Variants in ZP4 observed in about 807,000 individuals in gnomAD.
The protein encoded by ZP4 is zona pellucida sperm-binding protein 4.
Under a neutral mutation model 62.3 loss-of-function variants are expected in ZP4, and 62 were observed. The observed-to-expected ratio is 0.99, with a 90% CI of 0.81 to 1.23. The LOEUF is 1.23. ZP4 is among the 50% of genes most tolerant of loss of function. The pLI is 0.00. For synonymous variants in ZP4, 289 were observed against 247.3 expected, an observed-to-expected ratio of 1.17 and a Z score of -1.58; for missense variants, 774 against 656.0, an observed-to-expected ratio of 1.18 and a Z score of -1.97.
rs1553350627 is a variant in ZP4 at position 237,883,633 on chromosome 1, A to AGGGC, written c.1391-788_1391-787insGCCC. ...GGAGGCTGAGGTGGGAGAGAGGGGG[A>AGGGC]GGGGGAGGGCGGGGGAGGGCGGGGG... On this transcript the variant is annotated intron_variant, in intron 10 of 11. Coordinates refer to ENST00000366570, the MANE Select transcript of ZP4 (RefSeq NM_021186.5). Among the ~76,000 whole-genome samples the AGGGC allele has an allele frequency of 7.0e-3, 78 of 11,150 alleles. 7 individuals are homozygous for AGGGC. The highest frequency in any genetic ancestry group is 0.017 in the African/African-American group (47 of 2,730). The allele number at this position is 11,150 out of a possible 152,430, so 7.3% of individuals were successfully genotyped here. A position where few individuals can be genotyped will look rare whatever the true frequency, so the allele number is the denominator to read the frequency against.
Position 237,885,543 on chromosome 1 carries a change from G to T in ZP4, c.1008C>A (p.Tyr336Ter). 6.2e-7 allele frequency: 1 copy of T among 1,614,096 alleles called. No individual in the cohort carries two copies. The highest frequency in any genetic ancestry group is 8.5e-7 in the Non-Finnish European group (1 of 1,180,000). The change falls in exon 8 of 12, where the codon TAC (tyrosine) becomes TAA (stop). Residue 336 changes from tyrosine to a stop codon, truncating the protein, a stop_gained. Coordinates refer to ENST00000366570, the MANE Select transcript of ZP4 (RefSeq NM_021186.5). LOFTEE classifies it high-confidence loss of function. ...NYGSYYGVGD[Y>*]PVVKLLRDPI... ...GATCCCGAAGCAACTTCACCACTGG[G>T]TAGTCACCAACACCGTAGTAAGAGC...
chr1:237,882,552 G>A lies in ZP4; in HGVS notation c.1496-3C>T, dbSNP rs781192065. On this transcript the variant is annotated splice_polypyrimidine_tract_variant and splice_region_variant and intron_variant, in intron 11 of 11. Transcript: ENST00000366570. Reference sequence around the variant, plus strand: ...AACTTTCGAGTCTACAGGAACACCTGGAGGATGGATGGAAAGGTAGGTTAA... The same window carrying A: ...AACTTTCGAGTCTACAGGAACACCTAGAGGATGGATGGAAAGGTAGGTTAA... 10 of 1,593,290 alleles carry A rather than the reference G, an allele frequency of 6.3e-6. No homozygotes were observed. The highest frequency in any genetic ancestry group is 1.1e-5 in the South Asian group (1 of 88,578).
intron 3 of ZP4, 143 bp downstream of exon 3, chr1:237,889,724 C>A: frequency 1.3e-6 from 1 of 772,052 alleles, no homozygotes; most frequent in Non-Finnish European, 2.2e-6. Flanking sequence ...CTAAGGATTG[C>A]CCATGGAGGT....
intron 5 of ZP4, 67 bp downstream of exon 5, chr1:237,887,307 T>TCC: frequency 6.5e-7 from 1 of 1,549,638 alleles, no homozygotes; most frequent in Non-Finnish European, 8.8e-7. Context: ...ATTTCAGCTC[T>TCC]CCCCCACTAG....
Position 237,882,507 on chromosome 1 carries a change from G to T in ZP4, c.1538C>A (p.Ser513Tyr), listed in dbSNP as rs1664940244. 1.9e-6 allele frequency: 3 copies of T among 1,608,016 alleles called. No individual in the cohort carries two copies. Among genetic ancestry groups the T allele is most frequent in the Non-Finnish European group, 1.7e-6 (2 of 1,178,436 alleles). Residue 513 changes from serine (S) to tyrosine (Y), a missense_variant, in exon 12 of 12, where the codon TCT becomes TAT. Coordinates refer to ENST00000366570, the MANE Select transcript of ZP4 (RefSeq NM_021186.5). ...DSKVLWVAGL[S>Y]GTLILGALLV... ...CAAGGCTCCAAGGATTAAGGTCCCA[G>T]AAAGGCCTGCCACCCACAGAACTTT...
At position 237,887,383 on chromosome 1, in the gene ZP4, G is replaced by A; in HGVS notation, c.732C>T (p.Thr244=). 3 of 1,613,818 alleles carry A rather than the reference G, an allele frequency of 1.9e-6. No homozygotes were observed. Among genetic ancestry groups the A allele is most frequent in the Non-Finnish European group, 2.5e-6 (3 of 1,179,900 alleles). Residue 244 remains threonine (T), a synonymous_variant, in exon 5 of 12, where the codon ACC becomes ACT. Transcript: ENST00000366570. ...AAGCCCAACTGCTCACCTGTCTTGTGGTGCCACAGGAAGTAAATGGAAACT... is the reference window on the plus strand; with the variant it reads ...AAGCCCAACTGCTCACCTGTCTTGTAGTGCCACAGGAAGTAAATGGAAACT... The part of the protein sequence containing the change: ...LFQFPFTSCG[T]TRQITGDRAV...
At chr1:237,887,338 A>G (rs372404985) in intron 5 of ZP4, 36 bp downstream of exon 5, 7 of 1,604,566 alleles carry the variant, frequency 4.4e-6, no homozygotes, top group Non-Finnish European at 6.0e-6. Context: ...CTTCCCACCC[A>G]ACTTCCAGAG....
chr1:237,886,191 G>C (rs868010232), intron 6 of ZP4, among the ~76,000 whole-genome samples: 1 of 152,160 alleles, frequency 6.6e-6, no homozygotes, highest in South Asian at 2.1e-4. Context: ...AAAAACTTGA[G>C]GTACAGGGAA....
chr1:237,883,715 G>GA (rs1664983633), intron 10 of ZP4, among the ~76,000 whole-genome samples: 2 of 55,186 alleles, frequency 3.6e-5, no homozygotes, highest in Admixed American at 1.6e-4. Flanking sequence ...GGGGGAGGGC[G>GA]GGGGAGGGCG....
chr1:237,885,833 A>G lies in ZP4; in HGVS notation c.893T>C (p.Val298Ala), dbSNP rs771759315. ...GGGTGGTGGGAGAGTGAAAACCTGG[A>G]CATTGATTGGGAGAGAGTTGCTACT... ...SVSSNSLPIN[V>A]QVFTLPPPFP... The change falls in exon 7 of 12, where the codon GTC becomes GCC. Residue 298 changes from valine (V) to alanine (A), a missense_variant. Coordinates refer to ENST00000366570, the MANE Select transcript of ZP4 (RefSeq NM_021186.5). The G allele has an allele frequency of 5.0e-6, 8 of 1,614,022 alleles. No individual in the cohort carries two copies. In the South Asian group the frequency reaches 7.7e-5, roughly 16 times the overall value.
At chr1:237,883,710 AGGGCGGGG>A (rs1664982882) in intron 10 of ZP4, among the ~76,000 whole-genome samples, 293 of 17,430 alleles carry the variant, frequency 0.017, 52 homozygotes, top group African/African-American at 0.074. Flanking sequence ...AGGGCGGGGG[AGGGCGGGG>A]GAGGGCGGGG....
chr1:237,883,775 GAGAGAGGAAGAGAGAGGAAGAGAGAGGA>G (rs1664997087), intron 10 of ZP4, among the ~76,000 whole-genome samples: 1 of 144,752 alleles, frequency 6.9e-6, no homozygotes, highest in African/African-American at 2.6e-5. Flanking sequence ...GAGAGAGGAA[GAGAGAGGAAGAGAGAGGAAGAGAGAGGA>G]AGAGAGGGAG....
Position 237,890,789 on chromosome 1 carries a change from GA to G in ZP4, c.-155del. The G allele has an allele frequency of 1.3e-6, 1 of 789,496 alleles. No individual in the cohort carries two copies. Among genetic ancestry groups the G allele is most frequent in the Admixed American group, 3.2e-5 (1 of 31,482 alleles). 48.9% of individuals were successfully genotyped at this position (789,496 alleles called of 1,614,324 possible). ...TCAGGTGGGATGCCTTCAGAAAGGGGAATTCCTCTAGCCTCATTTGCTTTGG... is the reference window on the plus strand; with the variant it reads ...TCAGGTGGGATGCCTTCAGAAAGGGGATTCCTCTAGCCTCATTTGCTTTGG... On this transcript the variant is annotated 5_prime_UTR_variant, in exon 1 of 12. An upstream open reading frame in the 5' UTR gains an earlier in-frame stop. Coordinates refer to ENST00000366570, the MANE Select transcript of ZP4 (RefSeq NM_021186.5).
At chr1:237,883,299 T>C (rs1664958169) in intron 10 of ZP4, among the ~76,000 whole-genome samples, 1 of 151,814 alleles carries the variant, frequency 6.6e-6, no homozygotes, top group Non-Finnish European at 1.5e-5. Context: ...TTAAGAAAGA[T>C]GGCAAGATGG....
chr1:237,885,478 G>A lies in ZP4; in HGVS notation c.1073C>T (p.Pro358Leu), dbSNP rs1665077795. Residue 358 changes from proline to leucine, a missense_variant, in exon 8 of 12, where the codon CCC becomes CTC. By Grantham distance (98) the Pro-to-Leu change is moderately conservative (BLOSUM62 -3). Transcript: ENST00000366570. ...CTGTTGTAGGAGCAGCCCCAGGTAG[G>A]GGTCTGTTCTGTGAAGGATGGAGAC... ...VEVSILHRTD[P>L]YLGLLLQQCW... 1 of 1,614,108 alleles carries A rather than the reference G, an allele frequency of 6.2e-7. No homozygotes were observed. Among genetic ancestry groups the A allele is most frequent in the Non-Finnish European group, 8.5e-7 (1 of 1,180,008 alleles).
At chr1:237,889,630 C>T (rs575871681) in intron 3 of ZP4, among the ~76,000 whole-genome samples, 71 of 152,236 alleles carry the variant, frequency 4.7e-4, no homozygotes, top group African/African-American at 1.6e-3. Flanking sequence ...GTATTTGCAG[C>T]ACTATGTTAG....
At chr1:237,887,601 C>T (rs114491365) in intron 4 of ZP4, 40 bp from the exon 5 acceptor site, 16,449 of 1,589,558 alleles carry the variant, frequency 0.01, 103 homozygotes, top group Non-Finnish European at 0.013. Flanking sequence ...GTCATCTCTC[C>T]CATTGTGGGG....
intron 1 of ZP4, 134 bp from the exon 2 acceptor site, chr1:237,890,310 G>A: frequency 6.6e-7 from 1 of 1,514,090 alleles, no homozygotes; most frequent in Non-Finnish European, 9.0e-7. Context: ...ATTCAGATCA[G>A]ATGTAGTTAT....
intron 4 of ZP4, 127 bp from the exon 5 acceptor site, chr1:237,887,688 CTCAGTGCAAGA>C: frequency 2.1e-6 from 2 of 964,736 alleles, no homozygotes; most frequent in Non-Finnish European, 3.1e-6. Flanking sequence ...CAGTGACAAC[CTCAGTGCAAGA>C]TCAACCAACC....
Sources: allele counts gnomAD v4.1 joint callset (sites outside exome capture counted in the v4.1 genomes callset), GRCh38; gene constraint gnomAD v4.1.1; transcripts MANE v1.5; gene names NCBI Gene and HGNC (gene_info 2026-07-23, HGNC 2026-07-21).